The following BEND5 variants were observed in gnomAD, a reference collection of about 807,000 sequenced individuals.
BEND5 encodes the protein BEN domain containing 5.
BEND5 carries 22 observed loss-of-function variants against 43.9 expected under a neutral mutation model. The ratio of observed to expected loss-of-function variants is 0.50; its 90% CI spans 0.36 to 0.72. The LOEUF is 0.72. Among genes scored for constraint, BEND5 ranks in the 30% least tolerant of loss-of-function variants. The probability of loss-of-function intolerance (pLI) is 0.00; values close to 1 mark genes in which losing one functional copy is unlikely to be tolerated. For synonymous variants in BEND5, 228 were observed against 225.9 expected (o/e 1.01, Z -0.08); for missense variants, 428 against 550.6 (o/e 0.78, Z 2.23).
intron 3 of BEND5, among the ~76,000 whole-genome samples, chr1:48,756,615 G>T (rs1448013868): frequency 6.6e-6 from 1 of 152,208 alleles, no homozygotes; most frequent in Non-Finnish European, 1.5e-5. Flanking sequence ...GGGAAGTTGG[G>T]ATTTGAATCC....
intron 3 of BEND5, among the ~76,000 whole-genome samples, chr1:48,754,745 G>A (rs994011305): frequency 6.6e-6 from 1 of 152,168 alleles, no homozygotes; most frequent in Non-Finnish European, 1.5e-5. Context: ...TAAGATCACA[G>A]ACAAGGAAAG....
At position 48,736,594 on chromosome 1, in the gene BEND5, C is replaced by T. The variant is rs184813791; in HGVS notation, c.895-142G>A. On this transcript the variant is annotated intron_variant, in intron 4 of 5. Transcript: ENST00000371833. This position sits in a 1 kb window ranked among gnomAD's most constrained non-coding sequence, Gnocchi z 4.0. ...GAAATTAACTCTCTTTAAGGGTAATCGTAATAGCTATCATCTACTGAATAC... is the reference window on the plus strand; with the variant it reads ...GAAATTAACTCTCTTTAAGGGTAATTGTAATAGCTATCATCTACTGAATAC... 2.8e-5 allele frequency: 20 copies of T among 715,232 alleles called. No individual in the cohort carries two copies. In the South Asian group the frequency reaches 3.0e-4, roughly 11 times the overall value. 44.3% of individuals were successfully genotyped at this position (715,232 alleles called of 1,614,324 possible).
intron 1 of BEND5, among the ~76,000 whole-genome samples, chr1:48,773,675 C>T (rs564782134): frequency 2.0e-4 from 31 of 152,284 alleles, no homozygotes; most frequent in African/African-American, 4.8e-4. Context: ...ATGGGAACAT[C>T]GGCTACTTTA....
At chr1:48,734,647 T>C (rs1648728998) in intron 5 of BEND5, among the ~76,000 whole-genome samples, 2 of 152,192 alleles carry the variant, frequency 1.3e-5, no homozygotes, top group Non-Finnish European at 2.9e-5. Context: ...CTGCTGCTTA[T>C]TCTGCCTGAT....
intron 1 of BEND5, 61 bp downstream of exon 1, chr1:48,776,545 C>A: frequency 1.6e-6 from 2 of 1,221,240 alleles, no homozygotes; most frequent in Non-Finnish European, 2.1e-6. Flanking sequence ...GGGCCCCCGG[C>A]CCCTCCCGGG....
chr1:48,732,069 G>C (rs919155765), intron 5 of BEND5, among the ~76,000 whole-genome samples: 2 of 152,136 alleles, frequency 1.3e-5, no homozygotes, highest in Non-Finnish European at 2.9e-5. Flanking sequence ...TAGAAAATGG[G>C]GGAGTGGATC....
chr1:48,772,437 A>G (rs1557977198), intron 1 of BEND5, among the ~76,000 whole-genome samples: 1 of 152,158 alleles, frequency 6.6e-6, no homozygotes, highest in South Asian at 2.1e-4. Flanking sequence ...CAGAGGCCCC[A>G]TATCAGACAA....
intron 1 of BEND5, among the ~76,000 whole-genome samples, chr1:48,775,064 C>G (rs1252960839): frequency 2.6e-5 from 4 of 152,166 alleles, no homozygotes; most frequent in Admixed American, 2.6e-4. Context: ...AATCCTTTCC[C>G]TCAGGTAATT....
chr1:48,742,499 A>T, intron 4 of BEND5, 124 bp downstream of exon 4: 1 of 1,008,106 alleles, frequency 9.9e-7, no homozygotes, highest in Non-Finnish European at 1.3e-6. Context: ...AGAAACAGTC[A>T]TTCAGGGCTA....
chr1:48,756,116 G>A (rs1263447041), intron 3 of BEND5, among the ~76,000 whole-genome samples: 2 of 152,274 alleles, frequency 1.3e-5, no homozygotes, highest in South Asian at 4.1e-4. Flanking sequence ...GTGTCACAAG[G>A]CTGTAATATT....
chr1:48,758,971 A>C lies in BEND5; in HGVS notation c.674T>G (p.Val225Gly). The C allele has an allele frequency of 6.2e-7, 1 of 1,608,208 alleles. No homozygotes were observed. Among genetic ancestry groups the C allele is most frequent in the Non-Finnish European group, 8.5e-7 (1 of 1,177,566 alleles). ...AKKLKEYGAL[V>G]SEMKELRDLN... ...GTCACGGAGCTCCTTCATTTCAGAC[A>C]CAAGTGCCCCGTACTCCTTGAGCTT... The change falls in exon 3 of 6, where the codon GTG becomes GGG. Residue 225 changes from valine to glycine, a missense_variant. Coordinates refer to ENST00000371833, the MANE Select transcript of BEND5 (RefSeq NM_024603.4).
chr1:48,772,409 A>G (rs1644881092), intron 1 of BEND5, among the ~76,000 whole-genome samples: 1 of 152,222 alleles, frequency 6.6e-6, no homozygotes, highest in South Asian at 2.1e-4. Context: ...CCCCACCTGT[A>G]GGTGAGCTCC....
chr1:48,766,303 G>A (rs1644526471), intron 1 of BEND5, among the ~76,000 whole-genome samples: 1 of 152,194 alleles, frequency 6.6e-6, no homozygotes, highest in Non-Finnish European at 1.5e-5. Flanking sequence ...GAGCCAAGAT[G>A]TGCTATAGAT....
intron 3 of BEND5, among the ~76,000 whole-genome samples, chr1:48,752,567 A>G (rs1352359221): frequency 6.6e-6 from 1 of 152,172 alleles, no homozygotes; most frequent in Non-Finnish European, 1.5e-5. Context: ...TTGACCAAAG[A>G]TTAAGACATC....
At chr1:48,737,592 G>T (rs545185247) in intron 4 of BEND5, among the ~76,000 whole-genome samples, 32 of 152,316 alleles carry the variant, frequency 2.1e-4, no homozygotes, top group African/African-American at 7.5e-4. Context: ...TACCCAGTTT[G>T]ATTCCGACGG....
chr1:48,744,385 A>G (rs1181832253), intron 3 of BEND5, among the ~76,000 whole-genome samples: 2 of 152,230 alleles, frequency 1.3e-5, no homozygotes, highest in African/African-American at 4.8e-5. Context: ...AAACAAATTC[A>G]AGTGGAGCAT....
intron 4 of BEND5, among the ~76,000 whole-genome samples, chr1:48,742,297 G>A (rs1342898544): frequency 1.3e-5 from 2 of 152,008 alleles, no homozygotes; most frequent in Admixed American, 6.6e-5. Flanking sequence ...TAGGAAGGTG[G>A]GACAAGTTTC....
chr1:48,742,528 T>A, intron 4 of BEND5, 95 bp downstream of exon 4: 2 of 1,275,428 alleles, frequency 1.6e-6, no homozygotes, highest in Non-Finnish European at 2.0e-6. Flanking sequence ...GGCCAACCAG[T>A]CAAGCTGCGA....
chr1:48,751,049 T>A lies in BEND5; in HGVS notation c.745+7851A>T, dbSNP rs149251967. ...ATGATATAGCATTCATGAAATCCTA[T>A]ATATTCTGATTCCACATGGCATAGA... On this transcript the variant is annotated intron_variant, in intron 3 of 5. Coordinates refer to ENST00000371833, the MANE Select transcript of BEND5 (RefSeq NM_024603.4). Among the ~76,000 whole-genome samples the A allele has an allele frequency of 5.3e-5, 8 of 152,280 alleles. No individual in the cohort carries two copies. The East Asian group carries it at 1.5e-3, about 29-fold the overall frequency.
Sources: gnomAD v4.1 joint callset for allele counts (sites outside exome capture counted in the v4.1 genomes callset) on GRCh38, gnomAD v4.1.1 for gene constraint, Gnocchi (gnomAD v3.1) non-coding constraint, MANE v1.5 for transcripts, NCBI Gene and HGNC (gene_info 2026-07-23, HGNC 2026-07-21) for gene names.